PDE4D: variants seen among roughly 807,000 people sequenced by gnomAD.
PDE4D encodes 3',5'-cyclic-AMP phosphodiesterase 4D.
In PDE4D, 24 loss-of-function variants were observed where a neutral mutation model predicts 87.4. That is an observed-to-expected ratio of 0.27 (90% CI 0.20 to 0.39). The LOEUF (loss-of-function observed/expected upper bound fraction) is 0.39, where lower values mean the gene tolerates loss of function less well. PDE4D is among the 10% of genes least tolerant of loss of function. PDE4D has a pLI of 1.00. For synonymous variants in PDE4D, 384 were observed against 383.2 expected, an observed-to-expected ratio of 1.00 and a Z score of -0.02; for missense variants, 714 against 1,041.0, an observed-to-expected ratio of 0.69 and a Z score of 4.32.
Position 59,282,643 on chromosome 5 carries a change from CAAAAAA to C in PDE4D, c.456-66681_456-66676del, listed in dbSNP as rs60262509. ...GGGCGACAAGAGTGAAACTCCAGCT[CAAAAAA>C]AAAAAAAAAAAAAAAAAAAGATGTG... On this transcript the variant is annotated intron_variant, in intron 1 of 14. Transcript: ENST00000340635. Among the ~76,000 whole-genome samples the C allele has an allele frequency of 7.7e-5, 3 of 38,872 alleles. No homozygotes were observed. In the East Asian group the frequency reaches 3.9e-3, roughly 51 times the overall value. 25.5% of individuals were successfully genotyped at this position (38,872 alleles called of 152,430 possible). A position where few individuals can be genotyped will look rare whatever the true frequency, so the allele number is the denominator to read the frequency against.
chr5:59,106,869 C>T (rs1030691557), intron 5 of PDE4D, among the ~76,000 whole-genome samples: 1 of 152,102 alleles, frequency 6.6e-6, no homozygotes, highest in African/African-American at 2.4e-5. Context: ...CTGCACAGTA[C>T]AGGGGTTTCT....
intron 3 of PDE4D, among the ~76,000 whole-genome samples, chr5:59,953,497 T>C (rs956717618): frequency 3.3e-5 from 5 of 152,140 alleles, no homozygotes; most frequent in African/African-American, 1.2e-4. Context: ...CTTGATAAAA[T>C]TGAAAATAAA....
At chr5:59,638,953 T>G (rs1052600066) in intron 1 of PDE4D, among the ~76,000 whole-genome samples, 1 of 152,184 alleles carries the variant, frequency 6.6e-6, no homozygotes. Context: ...CACTATCTTT[T>G]GTAAAGGGCT....
At chr5:60,194,406 G>T (rs553156177) in intron 1 of PDE4D, among the ~76,000 whole-genome samples, 2 of 151,406 alleles carry the variant, frequency 1.3e-5, no homozygotes, top group South Asian at 4.2e-4. Flanking sequence ...TACTTCACGG[G>T]GTCTTCTTAT....
At chr5:60,063,852 G>A (rs1274991356) in intron 2 of PDE4D, among the ~76,000 whole-genome samples, 1 of 152,066 alleles carries the variant, frequency 6.6e-6, no homozygotes, top group African/African-American at 2.4e-5. Context: ...GTTTACAGAA[G>A]ATACTGCCTT....
chr5:59,009,978 A>G (rs1278937412), intron 6 of PDE4D, among the ~76,000 whole-genome samples: 1 of 152,164 alleles, frequency 6.6e-6, no homozygotes, highest in Non-Finnish European at 1.5e-5. Flanking sequence ...ACAGTTATCC[A>G]AGGTCCACAT....
At chr5:59,742,691 G>A (rs1759038498) in intron 1 of PDE4D, among the ~76,000 whole-genome samples, 1 of 152,132 alleles carries the variant, frequency 6.6e-6, no homozygotes, top group Non-Finnish European at 1.5e-5. Context: ...AACACACTTA[G>A]GTAATGCCCT....
At chr5:59,573,629 C>A (rs1381273495) in intron 1 of PDE4D, among the ~76,000 whole-genome samples, 1 of 152,016 alleles carries the variant, frequency 6.6e-6, no homozygotes, top group African/African-American at 2.4e-5. Flanking sequence ...GAAGTTTTCA[C>A]CCTTAGAGCA....
chr5:59,283,256 T>C (rs1285899506), intron 1 of PDE4D, among the ~76,000 whole-genome samples: 2 of 152,132 alleles, frequency 1.3e-5, no homozygotes, highest in Non-Finnish European at 2.9e-5. Context: ...TAAAAATATA[T>C]GTTACTGCAC....
intron 1 of PDE4D, among the ~76,000 whole-genome samples, chr5:59,447,946 C>T (rs192295071): frequency 6.6e-5 from 10 of 152,254 alleles, no homozygotes; most frequent in Admixed American, 2.6e-4. Flanking sequence ...CAGAACAAAA[C>T]GAACATATCA....
chr5:60,396,824 G>T (rs993586583), intron 1 of PDE4D, among the ~76,000 whole-genome samples: 6 of 152,184 alleles, frequency 3.9e-5, no homozygotes, highest in Non-Finnish European at 5.9e-5. Flanking sequence ...CTGCTGACTT[G>T]CTGGCCGACT....
chr5:59,237,280 C>G (rs1192147813), intron 1 of PDE4D, among the ~76,000 whole-genome samples: 1 of 152,114 alleles, frequency 6.6e-6, no homozygotes, highest in African/African-American at 2.4e-5. Context: ...ATCAACTACC[C>G]CTTCCCAGCT....
chr5:59,071,486 T>G (rs1309331210), intron 5 of PDE4D, among the ~76,000 whole-genome samples: 1 of 151,698 alleles, frequency 6.6e-6, no homozygotes, highest in Admixed American at 6.6e-5. Flanking sequence ...CTATTGAGTT[T>G]TTAACTTATT....
intron 2 of PDE4D, among the ~76,000 whole-genome samples, chr5:60,140,443 A>G (rs1238690925): frequency 6.6e-6 from 1 of 151,958 alleles, no homozygotes; most frequent in Non-Finnish European, 1.5e-5. Flanking sequence ...ACTAGGACTC[A>G]GTTTTCTGGT....
At chr5:60,103,216 G>T (rs1364790951) in intron 2 of PDE4D, among the ~76,000 whole-genome samples, 2 of 152,200 alleles carry the variant, frequency 1.3e-5, no homozygotes, top group Admixed American at 1.3e-4. Context: ...GACAGCCTAA[G>T]TAAGAGCCTT....
rs774887911 is a variant in PDE4D, at chr5:59,768,319, G to A, written c.455+124849C>T. On this transcript the variant is annotated intron_variant, in intron 1 of 14. Coordinates refer to ENST00000340635, the MANE Select transcript of PDE4D (RefSeq NM_001104631.2). ...GAGAAGCATTCTGCGCAGAAGCCTG[G>A]GGGAATTTCTCGGAGAGATCACTGG... 9 of 1,598,166 alleles carry A rather than the reference G, an allele frequency of 5.6e-6. No individual in the cohort carries two copies. In the African/African-American group the frequency reaches 1.2e-4, roughly 21 times the overall value.
chr5:60,521,131 C>T (rs1257743007), intron 1 of PDE4D: 1 of 152,306 alleles, frequency 6.6e-6, no homozygotes, highest in Non-Finnish European at 1.5e-5. Context: ...TTAAATGTCA[C>T]TTTGCTACCA....
chr5:59,433,534 G>C (rs180970990), intron 1 of PDE4D, among the ~76,000 whole-genome samples: 9 of 152,120 alleles, frequency 5.9e-5, no homozygotes, highest in African/African-American at 2.2e-4. Flanking sequence ...GGTAGTTGGG[G>C]ACTTGATCTT....
At chr5:60,432,084 G>A (rs1010507787) in intron 1 of PDE4D, among the ~76,000 whole-genome samples, 3 of 136,074 alleles carry the variant, frequency 2.2e-5, no homozygotes, top group East Asian at 2.2e-4. Context: ...GACGGAGACC[G>A]TGGGGAGAAG....
Sources: gnomAD v4.1 joint callset for allele counts (sites outside exome capture counted in the v4.1 genomes callset) on GRCh38, gnomAD v4.1.1 for gene constraint, MANE v1.5 for transcripts, NCBI Gene and HGNC (gene_info 2026-07-23, HGNC 2026-07-21) for gene names.